The following CSGALNACT1 variants were observed in gnomAD, a reference collection of about 807,000 sequenced individuals.
CSGALNACT1 encodes the protein beta4GalNAcT-1.
CSGALNACT1 carries 52 observed loss-of-function variants against 51.0 expected under a neutral mutation model. That is an observed-to-expected ratio of 1.02 (90% CI 0.82 to 1.29). The LOEUF is 1.29. Ranked by LOEUF, CSGALNACT1 falls within the 50% of genes most tolerant of loss-of-function variation. The pLI is 0.00. For missense variants in CSGALNACT1, 935 were observed against 679.2 expected, an observed-to-expected ratio of 1.38 and a Z score of -4.19; for synonymous variants, 341 against 254.4, an observed-to-expected ratio of 1.34 and a Z score of -3.24.
intron 3 of CSGALNACT1, among the ~76,000 whole-genome samples, chr8:19,522,039 G>C (rs573858208): frequency 8.3e-4 from 127 of 152,288 alleles, no homozygotes; most frequent in African/African-American, 2.9e-3. Flanking sequence ...GACCATTTGA[G>C]CCCTGCAGTT....
intron 1 of CSGALNACT1, among the ~76,000 whole-genome samples, chr8:19,737,463 G>C (rs543117655): frequency 6.6e-6 from 1 of 152,118 alleles, no homozygotes; most frequent in East Asian, 1.9e-4. Flanking sequence ...TTAGGAAAAA[G>C]AAACATAAAT....
At chr8:19,475,814 A>G (rs913921422) in intron 4 of CSGALNACT1, among the ~76,000 whole-genome samples, 1 of 152,230 alleles carries the variant, frequency 6.6e-6, no homozygotes, top group Admixed American at 6.5e-5. Context: ...CAGATGACAA[A>G]GCCAAGCAAT....
chr8:19,493,349 C>G (rs1049505214), intron 4 of CSGALNACT1, among the ~76,000 whole-genome samples: 5 of 152,194 alleles, frequency 3.3e-5, no homozygotes, highest in Admixed American at 3.3e-4. Flanking sequence ...AAATTCACGT[C>G]ACACAATTCA....
At chr8:19,746,697 T>A (rs2064688629) in intron 1 of CSGALNACT1, among the ~76,000 whole-genome samples, 1 of 152,228 alleles carries the variant, frequency 6.6e-6, no homozygotes, top group South Asian at 2.1e-4. Flanking sequence ...AACTCCAACA[T>A]GTTATTGACA....
intron 4 of CSGALNACT1, among the ~76,000 whole-genome samples, chr8:19,470,586 A>G (rs2153858198): frequency 6.6e-6 from 1 of 152,260 alleles, no homozygotes. Flanking sequence ...GAGTGGCGGA[A>G]GTGTTAACAG....
chr8:19,445,465 T>C (rs554363254), intron 5 of CSGALNACT1, among the ~76,000 whole-genome samples: 3 of 152,358 alleles, frequency 2.0e-5, no homozygotes, highest in African/African-American at 7.2e-5. Context: ...AGACAGATGC[T>C]GTGACTAGGT....
chr8:19,525,872 AG>A (rs756246029), intron 3 of CSGALNACT1, among the ~76,000 whole-genome samples: 10 of 152,074 alleles, frequency 6.6e-5, no homozygotes, highest in Non-Finnish European at 1.2e-4. Context: ...CTGCTCCCTG[AG>A]GGATTACTGC....
chr8:19,750,339 C>T lies in CSGALNACT1; in HGVS notation c.-297+7511G>A, dbSNP rs143772676. Among the ~76,000 whole-genome samples, 70 of 152,200 alleles carry T rather than the reference C, an allele frequency of 4.6e-4. 1 individual carries two copies. Among genetic ancestry groups the T allele is most frequent in the African/African-American group, 1.4e-3 (58 of 41,536 alleles). ...AGCCTCTGGTGGAAGAACCAGAAAA[C>T]GACATTCTAAAGGAACTGATCACAC... On this transcript the variant is annotated intron_variant, in intron 1 of 1. Transcript: ENST00000517494.
exon 10 of CSGALNACT1, chr8:19,405,869 G>T (rs1048728781): frequency 1.2e-6 from 2 of 1,614,086 alleles, no homozygotes; most frequent in Non-Finnish European, 1.7e-6. Context: ...AGCTGGCCGT[G>T]GGATGCCTCG....
intron 5 of CSGALNACT1, among the ~76,000 whole-genome samples, chr8:19,450,940 A>T (rs186928256): frequency 3.3e-5 from 5 of 152,196 alleles, no homozygotes; most frequent in East Asian, 3.9e-4. Flanking sequence ...AAAATAATAA[A>T]AAAAAAGGAC....
chr8:19,616,901 G>A (rs376184336), intron 1 of CSGALNACT1, among the ~76,000 whole-genome samples: 1 of 152,200 alleles, frequency 6.6e-6, no homozygotes, highest in Non-Finnish European at 1.5e-5. Context: ...TCCCACGGGG[G>A]TGGGGCAGGG....
chr8:19,585,722 A>G (rs770476068), intron 3 of CSGALNACT1, among the ~76,000 whole-genome samples: 5 of 152,160 alleles, frequency 3.3e-5, no homozygotes, highest in African/African-American at 4.8e-5. Context: ...ATGAGGTGTA[A>G]AATGAGAAGA....
At chr8:19,645,541 C>G (rs947414041) in intron 1 of CSGALNACT1, among the ~76,000 whole-genome samples, 3 of 152,208 alleles carry the variant, frequency 2.0e-5, no homozygotes, top group Non-Finnish European at 4.4e-5. Context: ...CCGCAGCTGT[C>G]AAACACAGAT....
At chr8:19,627,802 G>A (rs1445355536) in intron 1 of CSGALNACT1, among the ~76,000 whole-genome samples, 1 of 152,180 alleles carries the variant, frequency 6.6e-6, no homozygotes, top group African/African-American at 2.4e-5. Context: ...TGCAGCACCT[G>A]GGTGACAGAG....
exon 6 of CSGALNACT1, chr8:19,439,855 T>C: frequency 6.2e-7 from 1 of 1,614,124 alleles, no homozygotes; most frequent in Non-Finnish European, 8.5e-7. Context: ...AGTATTCCTT[T>C]GACTTCATTT....
At chr8:19,501,589 G>A (rs936548901) in intron 4 of CSGALNACT1, among the ~76,000 whole-genome samples, 8 of 152,206 alleles carry the variant, frequency 5.3e-5, no homozygotes, top group Non-Finnish European at 1.0e-4. Flanking sequence ...GCTGGTGACA[G>A]AAGAGCAAAC....
rs140817277 is a variant in CSGALNACT1 at position 19,616,395 on chromosome 8, G to A, written c.-543-14530C>T. ...AATACCATCCCAAGGTACTGATGAG[G>A]GGTCATAGAAAAAAAAATTGTAGAA... On this transcript the variant is annotated intron_variant, in intron 1 of 9. Transcript: ENST00000332246. Among the ~76,000 whole-genome samples the A allele has an allele frequency of 7.2e-4, 109 of 152,050 alleles. No homozygotes were observed. The Middle Eastern group carries it at 0.01, about 14-fold the overall frequency.
chr8:19,632,133 A>G (rs1437696846), intron 1 of CSGALNACT1, among the ~76,000 whole-genome samples: 2 of 152,260 alleles, frequency 1.3e-5, no homozygotes, highest in Non-Finnish European at 2.9e-5. Context: ...AAGTGCAAAA[A>G]CCAAATTCTT....
chr8:19,721,448 G>A (rs1228829623), intron 1 of CSGALNACT1, among the ~76,000 whole-genome samples: 1 of 152,132 alleles, frequency 6.6e-6, no homozygotes, highest in African/African-American at 2.4e-5. Context: ...CATGAGACAC[G>A]ATCCTAGTCC....
Sources: allele counts gnomAD v4.1 joint callset (sites outside exome capture counted in the v4.1 genomes callset), GRCh38; gene constraint gnomAD v4.1.1; transcripts MANE v1.5; gene names NCBI Gene and HGNC (gene_info 2026-07-23, HGNC 2026-07-21).